Variants in LAMA2 observed in about 807,000 individuals in gnomAD.
The protein encoded by LAMA2 is laminin subunit alpha-2.
Under a neutral mutation model 364.8 loss-of-function variants are expected in LAMA2, and 269 were observed. The observed-to-expected ratio is 0.74, with a 90% CI of 0.67 to 0.82. The LOEUF is 0.82. Ranked by LOEUF, LAMA2 falls within the 40% of genes least tolerant of loss-of-function variation. LAMA2 has a pLI of 0.00. For synonymous variants in LAMA2, 1,379 were observed against 1,370.6 expected, an observed-to-expected ratio of 1.01 and a Z score of -0.14; for missense variants, 3,807 against 3,873.2, an observed-to-expected ratio of 0.98 and a Z score of 0.45.
rs1339686524 is a variant in LAMA2 at position 129,248,029 on chromosome 6, C to T, written c.1783-2083C>T. Reference sequence around the variant, plus strand: ...GGTCTGTGGCCTGTTAAGAATTGGGCGGCACAACAGGAGGTAAGCATCAGG... The same window carrying T: ...GGTCTGTGGCCTGTTAAGAATTGGGTGGCACAACAGGAGGTAAGCATCAGG... On this transcript the variant is annotated intron_variant, in intron 12 of 64. Coordinates refer to ENST00000421865, the MANE Select transcript of LAMA2 (RefSeq NM_000426.4). 2.0e-5 allele frequency among the ~76,000 whole-genome samples: 3 copies of T among 152,218 alleles called. No homozygotes were observed. The South Asian group carries it at 6.2e-4, about 32-fold the overall frequency.
chr6:129,159,312 CT>C (rs1189360991), intron 8 of LAMA2, among the ~76,000 whole-genome samples: 2 of 152,212 alleles, frequency 1.3e-5, no homozygotes, highest in Non-Finnish European at 2.9e-5. Context: ...TTCCGATTTT[CT>C]CCAAACAGCT....
chr6:128,944,120 A>G (rs1267007235), intron 1 of LAMA2, among the ~76,000 whole-genome samples: 1 of 152,180 alleles, frequency 6.6e-6, no homozygotes, highest in African/African-American at 2.4e-5. Context: ...GTGATAGGGG[A>G]AAAAGCAAAT....
intron 1 of LAMA2, among the ~76,000 whole-genome samples, chr6:128,904,367 A>AT (rs549665008): frequency 5.4e-5 from 8 of 149,344 alleles, no homozygotes; most frequent in African/African-American, 1.5e-4. Context: ...GATTCAGAGA[A>AT]TTTTTTTTTC....
At chr6:129,161,749 A>G (rs1398420128) in intron 8 of LAMA2, among the ~76,000 whole-genome samples, 1 of 152,136 alleles carries the variant, frequency 6.6e-6, no homozygotes, top group Non-Finnish European at 1.5e-5. Context: ...GAGAACATGC[A>G]GTATCTGGTT....
intron 37 of LAMA2, 58 bp from the exon 38 acceptor site, chr6:129,401,166 C>A: frequency 9.4e-7 from 1 of 1,061,842 alleles, no homozygotes; most frequent in Non-Finnish European, 1.5e-6. Context: ...GTCAGGAATA[C>A]AAGGGGTAGG....
At chr6:129,198,309 C>A (rs1781969705) in intron 12 of LAMA2, among the ~76,000 whole-genome samples, 1 of 151,880 alleles carries the variant, frequency 6.6e-6, no homozygotes, top group Non-Finnish European at 1.5e-5. Context: ...ATATACATGA[C>A]CCAAGTCATC....
At chr6:129,259,589 A>G (rs11963584) in intron 14 of LAMA2, among the ~76,000 whole-genome samples, 38,504 of 151,966 alleles carry the variant, frequency 0.25, 7,068 homozygotes, top group African/African-American at 0.52. Context: ...TGAAAAGTAT[A>G]TTTCTTGTAA....
At chr6:129,383,329 C>T in intron 35 of LAMA2, 96 bp downstream of exon 35, 1 of 964,042 alleles carries the variant, frequency 1.0e-6, no homozygotes, top group Non-Finnish European at 1.6e-6. Context: ...TTATAAGTGA[C>T]ATCTGTAAAA....
intron 11 of LAMA2, among the ~76,000 whole-genome samples, chr6:129,190,672 G>C (rs1397705378): frequency 6.6e-6 from 1 of 152,110 alleles, no homozygotes; most frequent in African/African-American, 2.4e-5. Flanking sequence ...ATTGTGATAT[G>C]AATTATATTT....
chr6:129,494,913 A>G (rs1010172469), intron 58 of LAMA2, among the ~76,000 whole-genome samples: 7 of 152,256 alleles, frequency 4.6e-5, no homozygotes, highest in African/African-American at 9.6e-5. Context: ...CATGAGTTGA[A>G]TAAACTTTTT....
At chr6:129,353,755 A>G (rs1776999726) in intron 32 of LAMA2, among the ~76,000 whole-genome samples, 1 of 152,224 alleles carries the variant, frequency 6.6e-6, no homozygotes, top group African/African-American at 2.4e-5. Context: ...CTGGACAGAT[A>G]CTTTAAGCCT....
chr6:129,077,222 A>G (rs551507511), intron 3 of LAMA2, among the ~76,000 whole-genome samples: 1 of 152,184 alleles, frequency 6.6e-6, no homozygotes. Context: ...CTCAAATGAT[A>G]AGATTTTCCA....
intron 1 of LAMA2, among the ~76,000 whole-genome samples, chr6:128,911,309 T>A (rs975782802): frequency 9.2e-5 from 14 of 152,294 alleles, no homozygotes; most frequent in African/African-American, 3.4e-4. Flanking sequence ...CGTAGTACCT[T>A]CCCAGCCAGG....
intron 8 of LAMA2, among the ~76,000 whole-genome samples, chr6:129,163,817 G>C (rs1319408283): frequency 6.6e-6 from 1 of 152,126 alleles, no homozygotes; most frequent in Non-Finnish European, 1.5e-5. Context: ...AGCATATCCA[G>C]TGAATTATTA....
intron 28 of LAMA2, among the ~76,000 whole-genome samples, chr6:129,326,111 A>T (rs1406280875): frequency 6.6e-6 from 1 of 152,212 alleles, no homozygotes; most frequent in Non-Finnish European, 1.5e-5. Flanking sequence ...AAATGCTGGG[A>T]TTACAGGCGT....
At chr6:129,475,441 G>C in intron 53 of LAMA2, 40 bp downstream of exon 53, 3 of 1,531,344 alleles carry the variant, frequency 2.0e-6, no homozygotes, top group Non-Finnish European at 2.7e-6. Flanking sequence ...CGAGTGCATG[G>C]GTTGGGTAAA....
At chr6:129,437,416 A>G (rs1781885869) in intron 41 of LAMA2, among the ~76,000 whole-genome samples, 2 of 152,024 alleles carry the variant, frequency 1.3e-5, no homozygotes, top group South Asian at 4.1e-4. Flanking sequence ...CTTGTCAGGC[A>G]TTACTCTTAC....
chr6:129,153,838 A>G (rs1239047356), intron 7 of LAMA2, among the ~76,000 whole-genome samples: 18 of 152,158 alleles, frequency 1.2e-4, no homozygotes, highest in Admixed American at 1.2e-3. Context: ...AGAAATTTCC[A>G]TATGGTAGTA....
intron 1 of LAMA2, among the ~76,000 whole-genome samples, chr6:128,931,229 A>G (rs910520793): frequency 6.6e-6 from 1 of 152,248 alleles, no homozygotes. Flanking sequence ...AAGTTCTGTG[A>G]AATTGTTTAA....
Sources: allele counts gnomAD v4.1 joint callset (sites outside exome capture counted in the v4.1 genomes callset), GRCh38; gene constraint gnomAD v4.1.1; transcripts MANE v1.5; gene names NCBI Gene and HGNC (gene_info 2026-07-23, HGNC 2026-07-21).